The following PTPRM variants were observed in gnomAD, a reference collection of about 807,000 sequenced individuals.
PTPRM encodes the protein protein tyrosine phosphatase receptor type M.
In PTPRM, 47 loss-of-function variants were observed where a neutral mutation model predicts 186.7. The ratio of observed to expected loss-of-function variants is 0.25; its 90% CI spans 0.20 to 0.32. The LOEUF is 0.32. Ranked by LOEUF, PTPRM falls within the 10% of genes least tolerant of loss-of-function variation. The pLI is 1.00. For missense variants in PTPRM, 1,494 were observed against 1,865.0 expected (o/e 0.80, Z 3.66); for synonymous variants, 668 against 674.9 (o/e 0.99, Z 0.16).
At chr18:7,751,594 G>GT (rs1329864066) in intron 1 of PTPRM, 1 of 152,184 alleles carries the variant, frequency 6.6e-6, no homozygotes, top group Non-Finnish European at 1.5e-5. Context: ...TCATGTCCAA[G>GT]TTGTGTGATT....
In PTPRM at chr18:8,371,013, T is replaced by G. The variant is rs750709496; in HGVS notation, c.3171+7T>G. 8 of 1,520,058 alleles carry G rather than the reference T, an allele frequency of 5.3e-6. No individual in the cohort carries two copies. The Admixed American group carries it at 1.4e-4, about 26-fold the overall frequency. 94.2% of individuals were successfully genotyped at this position (1,520,058 alleles called of 1,614,324 possible). On this transcript the variant is annotated splice_region_variant and intron_variant, in intron 24 of 32. Transcript: ENST00000580170. ...AACATTTGCTGTTGAAAAGGTAAGT[T>G]TTCATACTGCTTTTAAAAGCTATGG...
At chr18:8,365,895 T>G (rs1172074239) in intron 23 of PTPRM, 1 of 152,276 alleles carries the variant, frequency 6.6e-6, no homozygotes, top group Non-Finnish European at 1.5e-5. Context: ...TTTCCATTTT[T>G]GGATAAACTG....
chr18:7,679,224 A>C (rs529536191), intron 1 of PTPRM, among the ~76,000 whole-genome samples: 6 of 152,260 alleles, frequency 3.9e-5, no homozygotes, highest in Non-Finnish European at 8.8e-5. Flanking sequence ...TTAGACCATT[A>C]GGAAGATATA....
intron 2 of PTPRM, among the ~76,000 whole-genome samples, chr18:7,828,336 T>C (rs897856450): frequency 3.9e-5 from 6 of 152,024 alleles, no homozygotes; most frequent in African/African-American, 1.5e-4. Flanking sequence ...ACATGTGCCA[T>C]GTTGGTGTGC....
At chr18:8,140,987 G>A (rs1359838550) in intron 13 of PTPRM, among the ~76,000 whole-genome samples, 1 of 152,134 alleles carries the variant, frequency 6.6e-6, no homozygotes, top group Non-Finnish European at 1.5e-5. Flanking sequence ...TTGCAACCAT[G>A]TTCTGTCAAA....
chr18:8,185,332 G>A (rs1031027510), intron 14 of PTPRM, among the ~76,000 whole-genome samples: 1 of 152,130 alleles, frequency 6.6e-6, no homozygotes. Flanking sequence ...CACTTCACCA[G>A]GCCCCCCAGG....
chr18:7,888,926 A>G (rs2048920383), intron 3 of PTPRM, among the ~76,000 whole-genome samples: 1 of 152,200 alleles, frequency 6.6e-6, no homozygotes, highest in African/African-American at 2.4e-5. Flanking sequence ...CTGGGTGCAC[A>G]TGGACATAAA....
intron 13 of PTPRM, chr18:8,121,743 T>A (rs2092181720): frequency 6.6e-6 from 1 of 152,108 alleles, no homozygotes; most frequent in East Asian, 1.9e-4. Flanking sequence ...AGTGAAAGAG[T>A]GTAATATTCT....
rs149459448 is a variant in PTPRM, at chr18:8,381,547, T to A, written c.3918+1120T>A. On this transcript the variant is annotated intron_variant, in intron 29 of 32. Transcript: ENST00000580170. ...GCATTATATTGTCAAAGCTCTTGCC[T>A]GAAAGCTGGTTAATGAAATAGTAAT... Among the ~76,000 whole-genome samples, 1,171 of 152,328 alleles carry A rather than the reference T, an allele frequency of 7.7e-3. 19 individuals carry two copies. The highest frequency in any genetic ancestry group is 0.027 in the African/African-American group (1,107 of 41,578).
At chr18:8,232,508 T>C (rs2094298988) in intron 14 of PTPRM, among the ~76,000 whole-genome samples, 1 of 152,180 alleles carries the variant, frequency 6.6e-6, no homozygotes, top group Admixed American at 6.5e-5. Flanking sequence ...TATGTTAATG[T>C]TGTAGGAAAC....
chr18:8,170,233 G>A lies in PTPRM; in HGVS notation c.2300+26454G>A, dbSNP rs569276894. Among the ~76,000 whole-genome samples, 183 of 152,188 alleles carry A rather than the reference G, an allele frequency of 1.2e-3. 1 individual carries two copies. Among genetic ancestry groups the A allele is most frequent in the Non-Finnish European group, 1.6e-3 (112 of 67,998 alleles). On this transcript the variant is annotated intron_variant, in intron 14 of 32. Transcript: ENST00000580170. Reference sequence around the variant, plus strand: ...ATTTGAGGATATCTGTATTTTTCTGGTACAGCTAGGTGGGCTCTTTTAAGA... The same window carrying A: ...ATTTGAGGATATCTGTATTTTTCTGATACAGCTAGGTGGGCTCTTTTAAGA...
intron 1 of PTPRM, among the ~76,000 whole-genome samples, chr18:7,696,323 C>A (rs1199834514): frequency 2.0e-5 from 3 of 152,144 alleles, no homozygotes; most frequent in Non-Finnish European, 4.4e-5. Context: ...GTGATTCTAA[C>A]AATGTGTTTA....
intron 2 of PTPRM, among the ~76,000 whole-genome samples, chr18:7,876,262 A>G (rs1357476663): frequency 1.3e-5 from 2 of 152,166 alleles, no homozygotes; most frequent in Non-Finnish European, 2.9e-5. Flanking sequence ...CACATGTCCA[A>G]TCAAGTACCC....
chr18:8,031,330 G>T (rs2085954838), intron 7 of PTPRM, among the ~76,000 whole-genome samples: 1 of 152,112 alleles, frequency 6.6e-6, no homozygotes, highest in South Asian at 2.1e-4. Context: ...GAAATATGTT[G>T]GCTAGTGGGT....
At chr18:7,850,507 C>A (rs72893375) in intron 2 of PTPRM, among the ~76,000 whole-genome samples, 14,867 of 152,182 alleles carry the variant, frequency 0.098, 850 homozygotes, top group South Asian at 0.23. Flanking sequence ...ATCTGGGAAG[C>A]TGAAAAGCTG....
intron 2 of PTPRM, among the ~76,000 whole-genome samples, chr18:7,799,131 G>A (rs1476757948): frequency 6.6e-6 from 1 of 152,136 alleles, no homozygotes; most frequent in Non-Finnish European, 1.5e-5. Flanking sequence ...TGGAGGCTGG[G>A]ATATCCAAGA....
chr18:8,325,701 G>A (rs2057748463), intron 22 of PTPRM, among the ~76,000 whole-genome samples: 1 of 152,138 alleles, frequency 6.6e-6, no homozygotes, highest in African/African-American at 2.4e-5. Flanking sequence ...AGCCAATAAT[G>A]GGATTGCTGG....
intron 11 of PTPRM, among the ~76,000 whole-genome samples, chr18:8,089,993 T>G (rs983799418): frequency 2.6e-5 from 4 of 152,190 alleles, no homozygotes; most frequent in Non-Finnish European, 5.9e-5. Context: ...GGTTTCATGC[T>G]TGCTGTTCAT....
chr18:7,806,494 A>G (rs94312), intron 2 of PTPRM, among the ~76,000 whole-genome samples: 27,242 of 152,098 alleles, frequency 0.18, 6,350 homozygotes, highest in African/African-American at 0.54. Context: ...TAATTTGGGG[A>G]AAGGGGAGTC....
Sources: allele counts gnomAD v4.1 joint callset (sites outside exome capture counted in the v4.1 genomes callset), GRCh38; gene constraint gnomAD v4.1.1; transcripts MANE v1.5; gene names NCBI Gene and HGNC (gene_info 2026-07-23, HGNC 2026-07-21).